Variants in IYD observed in about 807,000 individuals in gnomAD.
IYD encodes the protein iodotyrosine deiodinase, also known as iodotyrosine deiodinase 1.
A neutral mutation model predicts 28.4 loss-of-function variants in IYD; 25 were observed. The ratio of observed to expected loss-of-function variants is 0.88; its 90% CI spans 0.64 to 1.23. The LOEUF (loss-of-function observed/expected upper bound fraction) is 1.23, where lower values mean the gene tolerates loss of function less well. Among genes scored for constraint, IYD ranks in the 50% most tolerant of loss-of-function variants. The pLI is 0.00. For synonymous variants in IYD, 140 were observed against 130.8 expected (o/e 1.07, Z -0.48); for missense variants, 352 against 357.9 (o/e 0.98, Z 0.13).
rs1414394260 is a variant in IYD at position 150,399,687 on chromosome 6, TG to T, written c.*1452del. ...AACAGAAATTTGTTTCTCACAGTTC[TG>T]GAGGCTGGAAGTCCAAGGTCGGGGT... On this transcript the variant is annotated 3_prime_UTR_variant, in exon 5 of 5. Coordinates refer to ENST00000344419, the MANE Select transcript of IYD (RefSeq NM_203395.3). 4.6e-5 allele frequency: 7 copies of T among 152,346 alleles called. No individual in the cohort carries two copies. Among genetic ancestry groups the T allele is most frequent in the Non-Finnish European group, 8.8e-5 (6 of 68,142 alleles). 9.4% of individuals were successfully genotyped at this position (152,346 alleles called of 1,614,324 possible).
chr6:150,377,891 T>C (rs926290818), intron 1 of IYD, among the ~76,000 whole-genome samples: 2 of 152,196 alleles, frequency 1.3e-5, no homozygotes, highest in Admixed American at 6.5e-5. Context: ...GTTCATGACA[T>C]TGGCATTTCG....
chr6:150,385,221 A>T (rs1178970851), intron 1 of IYD: 1 of 152,152 alleles, frequency 6.6e-6, no homozygotes, highest in Admixed American at 6.5e-5. Context: ...ATTCTCTTAT[A>T]TTCTCTTCTA....
chr6:150,389,645 A>G, intron 2 of IYD, 102 bp downstream of exon 2: 1 of 1,040,864 alleles, frequency 9.6e-7, no homozygotes, highest in Middle Eastern at 2.0e-4. Flanking sequence ...AATAAAGCCT[A>G]GAGTGATATG....
At chr6:150,377,467 G>A (rs1420589635) in intron 1 of IYD, among the ~76,000 whole-genome samples, 1 of 152,200 alleles carries the variant, frequency 6.6e-6, no homozygotes, top group Admixed American at 6.5e-5. Context: ...AAGGCTCCAG[G>A]AATGGCAGCC....
At chr6:150,397,944 G>A (rs1338238406) in intron 4 of IYD, 111 bp from the exon 5 acceptor site, 12 of 1,108,730 alleles carry the variant, frequency 1.1e-5, no homozygotes, top group Admixed American at 1.8e-5. Context: ...CCAACTTCAG[G>A]GAAATGATAG....
chr6:150,385,874 A>G (rs1324570230), intron 1 of IYD, among the ~76,000 whole-genome samples: 2 of 151,880 alleles, frequency 1.3e-5, no homozygotes, highest in African/African-American at 4.8e-5. Flanking sequence ...ATTTTTAAGA[A>G]ATTTGTCTAT....
At position 150,392,406 on chromosome 6, in the gene IYD, C is replaced by A. The variant is rs147097902; in HGVS notation, c.432C>A (p.Asp144Glu). ...CCTTCGTGGTTGTGAAGGACCCAGA[C>A]GTGAAGCACAAGATTCGAAAGATCA... The part of the protein sequence containing the change: ...PWTFVVVKDP[D>E]VKHKIRKIIE... Residue 144 changes from aspartate (D) to glutamate (E), a missense_variant, in exon 3 of 5, where the codon GAC (aspartate) becomes GAA (glutamate). Transcript: ENST00000344419. 5 of 1,613,666 alleles carry A rather than the reference C, an allele frequency of 3.1e-6. No individual in the cohort carries two copies. The highest frequency in any genetic ancestry group is 3.4e-6 in the Non-Finnish European group (4 of 1,179,836).
At chr6:150,388,627 T>TGTTCTTTCTTTC (rs1777968672) in intron 1 of IYD, among the ~76,000 whole-genome samples, 2 of 129,002 alleles carry the variant, frequency 1.6e-5, no homozygotes, top group Non-Finnish European at 3.2e-5. Context: ...GTCTGGAGTT[T>TGTTCTTTCTTTC]TTGCTTTCTT....
chr6:150,400,518 A>T lies in IYD; in HGVS notation c.*2281A>T, dbSNP rs958875984. 6.6e-6 allele frequency: 1 copy of T among 152,206 alleles called. No homozygotes were observed. Among genetic ancestry groups the T allele is most frequent in the Non-Finnish European group, 1.5e-5 (1 of 68,040 alleles). 9.4% of individuals were successfully genotyped at this position (152,206 alleles called of 1,614,324 possible). On this transcript the variant is annotated 3_prime_UTR_variant, in exon 5 of 5. Coordinates refer to ENST00000344419, the MANE Select transcript of IYD (RefSeq NM_203395.3). Reference sequence around the variant, plus strand: ...TAATCGAGTCTTACACCTAATTTTCAGTTTACAGTAAATACAGAGGATAAA... The same window carrying T: ...TAATCGAGTCTTACACCTAATTTTCTGTTTACAGTAAATACAGAGGATAAA...
intron 1 of IYD, among the ~76,000 whole-genome samples, chr6:150,380,936 C>T (rs1463314673): frequency 4.6e-5 from 7 of 152,230 alleles, no homozygotes; most frequent in African/African-American, 1.4e-4. Flanking sequence ...AGACTCATGC[C>T]TATGCTCTGA....
In IYD at chr6:150,401,651, A is replaced by C. The variant is rs1778513972; in HGVS notation, c.*3414A>C. ...CTTATTAACCTTCTTTTATGTGTTC[A>C]TTAAATGCAGTCATGTGACAACTGT... On this transcript the variant is annotated 3_prime_UTR_variant, in exon 5 of 5. Transcript: ENST00000344419. 1 of 152,190 alleles carries C rather than the reference A, an allele frequency of 6.6e-6. No homozygotes were observed. The highest frequency in any genetic ancestry group is 2.4e-5 in the African/African-American group (1 of 41,456). The allele number at this position is 152,190 out of a possible 1,614,324, so 9.4% of individuals were successfully genotyped here. A position where few individuals can be genotyped will look rare whatever the true frequency, so the allele number is the denominator to read the frequency against.
At chr6:150,383,613 C>G (rs1250630681) in intron 1 of IYD, among the ~76,000 whole-genome samples, 1 of 151,960 alleles carries the variant, frequency 6.6e-6, no homozygotes, top group Non-Finnish European at 1.5e-5. Flanking sequence ...ACAGATGCCA[C>G]AACCACAAAT....
At position 150,369,251 on chromosome 6, in the gene IYD, G is replaced by A. The variant is rs771315378; in HGVS notation, c.178+42G>A. On this transcript the variant is annotated intron_variant, in intron 1 of 4. Transcript: ENST00000344419. ...TGCTGCTTAGCTTCGCTGTCGTGTT[G>A]TGTTGATGATGAGTGTGAGTCAATG... The A allele has an allele frequency of 4.4e-6, 7 of 1,591,640 alleles. No individual in the cohort carries two copies. The Admixed American group carries it at 1.0e-4, about 23-fold the overall frequency.
intron 1 of IYD, among the ~76,000 whole-genome samples, chr6:150,375,642 C>CTG (rs34377835): frequency 0.71 from 108,324 of 151,718 alleles, 39,974 homozygotes; most frequent in Middle Eastern, 0.83. Flanking sequence ...TTGATTATAA[C>CTG]TACTTCTGTC....
At chr6:150,385,535 A>G (rs992415267) in intron 1 of IYD, among the ~76,000 whole-genome samples, 1 of 150,612 alleles carries the variant, frequency 6.6e-6, no homozygotes, top group Non-Finnish European at 1.5e-5. Flanking sequence ...TTAACCTCAT[A>G]TTCCTGGGAT....
chr6:150,392,367 C>T lies in IYD; in HGVS notation c.393C>T (p.His131=). The T allele has an allele frequency of 1.9e-6, 3 of 1,613,612 alleles. No individual in the cohort carries two copies. The highest frequency in any genetic ancestry group is 1.1e-5 in the South Asian group (1 of 91,044). ...CAGGAACAGCCCCGAGTGGGGCTCA[C>T]ACAGAGCCCTGGACCTTCGTGGTTG... ...RTAGTAPSGA[H]TEPWTFVVVK... The change falls in exon 3 of 5, where the codon CAC becomes CAT. Residue 131 remains histidine, a synonymous_variant. Transcript: ENST00000344419.
intron 1 of IYD, among the ~76,000 whole-genome samples, chr6:150,375,703 T>C (rs1195417863): frequency 6.6e-6 from 1 of 152,134 alleles, no homozygotes; most frequent in South Asian, 2.1e-4. Flanking sequence ...GTGGGATGAC[T>C]GAGAGGCCCA....
intron 3 of IYD, 62 bp from the exon 4 acceptor site, chr6:150,394,037 G>A: frequency 1.4e-6 from 2 of 1,422,578 alleles, no homozygotes; most frequent in South Asian, 1.2e-5. Flanking sequence ...AAGAAGCTAA[G>A]GTAGTAAAAG....
Position 150,369,047 on chromosome 6 carries a change from C to G in IYD, c.16C>G (p.Pro6Ala). The G allele has an allele frequency of 6.2e-7, 1 of 1,613,978 alleles. No homozygotes were observed. Among genetic ancestry groups the G allele is most frequent in the Non-Finnish European group, 8.5e-7 (1 of 1,179,978 alleles). Reference sequence around the variant, plus strand: ...ACTCCAGACCATGTATTTCCTGACTCCCATCTTGGTAGCCATTCTCTGCAT... The same window carrying G: ...ACTCCAGACCATGTATTTCCTGACTGCCATCTTGGTAGCCATTCTCTGCAT... MYFLT[P>A]ILVAILCILV... Residue 6 changes from proline (P) to alanine (A), a missense_variant, in exon 1 of 5, where the codon CCC (proline) becomes GCC (alanine). Pro to Ala is a conservative substitution (Grantham distance 27). Coordinates refer to ENST00000344419, the MANE Select transcript of IYD (RefSeq NM_203395.3).
Sources: gnomAD v4.1 joint callset for allele counts (sites outside exome capture counted in the v4.1 genomes callset) on GRCh38, gnomAD v4.1.1 for gene constraint, MANE v1.5 for transcripts, NCBI Gene and HGNC (gene_info 2026-07-23, HGNC 2026-07-21) for gene names.